Variants in TRIO observed in about 807,000 individuals in gnomAD.
TRIO encodes the protein trio Rho guanine nucleotide exchange factor, also known as triple functional domain protein.
A neutral mutation model predicts 351.9 loss-of-function variants in TRIO; 58 were observed. The observed-to-expected ratio is 0.16, with a 90% CI of 0.13 to 0.21. TRIO has a LOEUF of 0.21. TRIO is among the 10% of genes least tolerant of loss of function. The pLI is 1.00. For synonymous variants in TRIO, 1,758 were observed against 1,595.7 expected, an observed-to-expected ratio of 1.10 and a Z score of -2.42; for missense variants, 3,201 against 4,027.8, an observed-to-expected ratio of 0.79 and a Z score of 5.56.
intron 11 of TRIO, among the ~76,000 whole-genome samples, chr5:14,356,353 A>G (rs1428165712): frequency 1.3e-5 from 2 of 152,242 alleles, no homozygotes; most frequent in African/African-American, 4.8e-5. Context: ...GTTTGACAGC[A>G]AAAGAACACT....
intron 1 of TRIO, among the ~76,000 whole-genome samples, chr5:14,158,045 A>T (rs1026593241): frequency 6.6e-6 from 1 of 151,900 alleles, no homozygotes; most frequent in Non-Finnish European, 1.5e-5. Context: ...ATTTCTAGCA[A>T]CCCTTTCTAT....
At chr5:14,361,882 C>G (rs894342704) in intron 13 of TRIO, among the ~76,000 whole-genome samples, 1 of 152,150 alleles carries the variant, frequency 6.6e-6, no homozygotes, top group East Asian at 1.9e-4. Context: ...CTTTGGGAGG[C>G]CAAGGTGGGC....
chr5:14,403,453 T>TGTG (rs1274629355), intron 31 of TRIO, among the ~76,000 whole-genome samples: 2 of 30,490 alleles, frequency 6.6e-5, no homozygotes, highest in Admixed American at 3.6e-4. Context: ...GGGTGTAGGT[T>TGTG]GTGGTGAGGG....
chr5:14,384,008 T>C (rs1487182698), intron 21 of TRIO, among the ~76,000 whole-genome samples: 2 of 152,200 alleles, frequency 1.3e-5, no homozygotes, highest in Non-Finnish European at 2.9e-5. Context: ...TCGCTGAGAC[T>C]CGGCTCGGTC....
At chr5:14,198,245 A>G (rs1263808895) in intron 1 of TRIO, among the ~76,000 whole-genome samples, 4 of 152,178 alleles carry the variant, frequency 2.6e-5, no homozygotes, top group Non-Finnish European at 5.9e-5. Context: ...TGTACATTCT[A>G]TCTTGTGATG....
chr5:14,393,393 C>T (rs1195091606), intron 27 of TRIO, among the ~76,000 whole-genome samples: 1 of 152,142 alleles, frequency 6.6e-6, no homozygotes, highest in African/African-American at 2.4e-5. Flanking sequence ...AAAAAGAAAC[C>T]CTTATGCCCT....
chr5:14,210,993 ATAACT>A (rs1482955782), intron 1 of TRIO, among the ~76,000 whole-genome samples: 2 of 151,986 alleles, frequency 1.3e-5, no homozygotes, highest in Admixed American at 1.3e-4. Flanking sequence ...GAGCCCCTAG[ATAACT>A]TAGGTCTATT....
chr5:14,333,976 A>G (rs927359911), intron 10 of TRIO, among the ~76,000 whole-genome samples: 1 of 152,200 alleles, frequency 6.6e-6, no homozygotes, highest in Non-Finnish European at 1.5e-5. Context: ...CCTGACTCTG[A>G]TATCCTCCCC....
At chr5:14,225,638 G>A (rs886412334) in intron 1 of TRIO, among the ~76,000 whole-genome samples, 3 of 152,164 alleles carry the variant, frequency 2.0e-5, no homozygotes, top group Admixed American at 1.3e-4. Context: ...GCTCTTCTGA[G>A]GCCAGAAGGT....
chr5:14,169,024 GT>G (rs1455628537), intron 1 of TRIO, among the ~76,000 whole-genome samples: 1 of 152,176 alleles, frequency 6.6e-6, no homozygotes, highest in African/African-American at 2.4e-5. Flanking sequence ...TAGGGGATTA[GT>G]TTTTTGACTA....
intron 37 of TRIO, chr5:14,465,859 G>A (rs1579738432): frequency 3.5e-6 from 2 of 563,522 alleles, no homozygotes; most frequent in East Asian, 6.1e-5. Flanking sequence ...GTATTCCCAT[G>A]AAAGGACACA....
In TRIO at chr5:14,487,749, C is replaced by T. The variant is rs377055423; in HGVS notation, c.7121C>T (p.Pro2374Leu). ...ATGTCAGGTACGTCCACCCCCGGGCCCTCCCTGCCTCCCCCTGGCGCGGCC... is the reference window on the plus strand; with the variant it reads ...ATGTCAGGTACGTCCACCCCCGGGCTCTCCCTGCCTCCCCCTGGCGCGGCC... Reference protein sequence around the residue: ...DKMSGTSTPGPSLPPPGAAPE... With the variant: ...DKMSGTSTPGLSLPPPGAAPE... The change falls in exon 48 of 57, where the codon CCC (proline) becomes CTC (leucine). Residue 2374 changes from proline (P) to leucine (L), a missense_variant. Pro to Leu is a moderately conservative substitution (Grantham distance 98). Around this residue, in one of 19 missense-constraint regions of TRIO, gnomAD observed 1,089 missense variants for 954.9 expected, o/e 1.14. Coordinates refer to ENST00000344204, the MANE Select transcript of TRIO (RefSeq NM_007118.4). The T allele has an allele frequency of 3.6e-6, 5 of 1,397,654 alleles. No homozygotes were observed. Among genetic ancestry groups the T allele is most frequent in the Non-Finnish European group, 4.7e-6 (5 of 1,070,926 alleles). 86.6% of individuals were successfully genotyped at this position (1,397,654 alleles called of 1,614,324 possible).
At chr5:14,181,172 T>TAAA (rs33999434) in intron 1 of TRIO, among the ~76,000 whole-genome samples, 1 of 148,264 alleles carries the variant, frequency 6.7e-6, no homozygotes, top group Non-Finnish European at 1.5e-5. Context: ...ACTGCAGACT[T>TAAA]AAAAAAAAAA....
At chr5:14,423,121 C>T (rs554817526) in intron 34 of TRIO, among the ~76,000 whole-genome samples, 5 of 152,286 alleles carry the variant, frequency 3.3e-5, no homozygotes, top group African/African-American at 9.6e-5. Flanking sequence ...AAACAGACGC[C>T]GGGCATAGCA....
chr5:14,462,590 T>C (rs1350797424), intron 35 of TRIO, among the ~76,000 whole-genome samples, 165 bp from the exon 36 acceptor site: 1 of 152,226 alleles, frequency 6.6e-6, no homozygotes, highest in Non-Finnish European at 1.5e-5. Context: ...GCAAAGCTAT[T>C]GGGTAGCAGG....
At chr5:14,465,971 A>G in intron 37 of TRIO, 1 of 313,264 alleles carries the variant, frequency 3.2e-6, no homozygotes, top group Non-Finnish European at 6.3e-6. Context: ...CAGACAGAGG[A>G]TTGCCAACCA....
chr5:14,403,585 TGTG>T (rs1258105932), intron 31 of TRIO, among the ~76,000 whole-genome samples: 728 of 16,448 alleles, frequency 0.044, 128 homozygotes, highest in Middle Eastern at 0.11. Flanking sequence ...GGGTGTAGGT[TGTG>T]GTGGTGAGGG....
intron 1 of TRIO, among the ~76,000 whole-genome samples, chr5:14,174,279 T>C (rs1247513019): frequency 6.6e-6 from 1 of 152,104 alleles, no homozygotes; most frequent in Non-Finnish European, 1.5e-5. Flanking sequence ...AAAAAGGAAA[T>C]TTATTTTCAG....
At chr5:14,345,443 T>G (rs1329594709) in intron 11 of TRIO, among the ~76,000 whole-genome samples, 1 of 152,214 alleles carries the variant, frequency 6.6e-6, no homozygotes, top group African/African-American at 2.4e-5. Context: ...TCTGCTTTAA[T>G]TAGCTGTTTG....
Sources: gnomAD v4.1 joint callset for allele counts (sites outside exome capture counted in the v4.1 genomes callset) on GRCh38, gnomAD v4.1.1 for gene constraint, gnomAD v4.1.1 regional missense constraint, MANE v1.5 for transcripts, NCBI Gene and HGNC (gene_info 2026-07-23, HGNC 2026-07-21) for gene names.